TMPRSS15: variants seen among roughly 807,000 people sequenced by gnomAD.
TMPRSS15 encodes enteropeptidase.
A neutral mutation model predicts 125.3 loss-of-function variants in TMPRSS15; 128 were observed. The ratio of observed to expected loss-of-function variants is 1.02; its 90% CI spans 0.89 to 1.18. The LOEUF is 1.18. TMPRSS15 is among the 50% of genes most tolerant of loss of function. The probability of loss-of-function intolerance (pLI) is 0.00; values close to 1 mark genes in which losing one functional copy is unlikely to be tolerated. For synonymous variants in TMPRSS15, 446 were observed against 423.2 expected (o/e 1.05, Z -0.66); for missense variants, 1,283 against 1,212.7 (o/e 1.06, Z -0.86).
intron 14 of TMPRSS15, among the ~76,000 whole-genome samples, chr21:18,330,313 C>A (rs1031684964): frequency 3.9e-5 from 6 of 152,200 alleles, no homozygotes; most frequent in Non-Finnish European, 8.8e-5. Context: ...TCATCCCTTA[C>A]CATCGATCTC....
chr21:18,460,660 C>T (rs1978534926), intron 1 of TMPRSS15: 1 of 152,156 alleles, frequency 6.6e-6, no homozygotes. Context: ...AGTTCAAAGG[C>T]AAAGACTACC....
chr21:18,408,823 T>A (rs560548477), intron 1 of TMPRSS15, among the ~76,000 whole-genome samples: 1 of 152,262 alleles, frequency 6.6e-6, no homozygotes, highest in Admixed American at 6.5e-5. Flanking sequence ...TATTTTTGTT[T>A]ATTTTTTTGA....
chr21:18,466,597 A>G lies in TMPRSS15; in HGVS notation c.10+19202T>C, dbSNP rs184008164. On this transcript the variant is annotated intron_variant, in intron 1 of 7. Coordinates refer to the TMPRSS15 transcript ENST00000422787. Reference sequence around the variant, plus strand: ...AAAACAACCCCATCAAAAAGTGGGCAAAGGATATGAACAGACACTTCTCAA... The same window carrying G: ...AAAACAACCCCATCAAAAAGTGGGCGAAGGATATGAACAGACACTTCTCAA... Among the ~76,000 whole-genome samples the G allele has an allele frequency of 7.0e-3, 1,062 of 152,328 alleles. 12 individuals carry two copies. The highest frequency in any genetic ancestry group is 0.013 in the Admixed American group (198 of 15,294).
At chr21:18,453,233 C>T (rs1193156329) in intron 1 of TMPRSS15, among the ~76,000 whole-genome samples, 1 of 152,194 alleles carries the variant, frequency 6.6e-6, no homozygotes, top group Non-Finnish European at 1.5e-5. Flanking sequence ...ATCCAGGCAT[C>T]TGGATCTCTC....
chr21:18,282,751 A>G (rs1276339898), intron 21 of TMPRSS15, among the ~76,000 whole-genome samples: 3 of 152,174 alleles, frequency 2.0e-5, no homozygotes, highest in African/African-American at 7.2e-5. Context: ...TACAATGGGA[A>G]CAAACTAGGC....
chr21:18,278,613 T>A (rs2074649412), intron 23 of TMPRSS15, among the ~76,000 whole-genome samples: 1 of 510 alleles, frequency 2.0e-3, no homozygotes, highest in African/African-American at 0.042. Flanking sequence ...CCCAGCTACT[T>A]TGGGAGGCTG....
At chr21:18,358,778 G>T (rs1479609249) in intron 8 of TMPRSS15, among the ~76,000 whole-genome samples, 2 of 151,868 alleles carry the variant, frequency 1.3e-5, no homozygotes, top group Admixed American at 6.6e-5. Flanking sequence ...AATGCACATT[G>T]ATTATTCAGT....
At chr21:18,313,725 C>A (rs1157348631) in intron 17 of TMPRSS15, among the ~76,000 whole-genome samples, 1 of 151,374 alleles carries the variant, frequency 6.6e-6, no homozygotes, top group Non-Finnish European at 1.5e-5. Flanking sequence ...TTTTATGTAA[C>A]CATAAAAATG....
At chr21:18,285,791 A>G (rs1212359254) in intron 21 of TMPRSS15, among the ~76,000 whole-genome samples, 2 of 152,204 alleles carry the variant, frequency 1.3e-5, no homozygotes, top group African/African-American at 4.8e-5. Flanking sequence ...GTTGTTTATG[A>G]AAGGCCATGT....
chr21:18,371,982 T>G (rs1417686326), intron 6 of TMPRSS15, among the ~76,000 whole-genome samples: 6 of 151,942 alleles, frequency 3.9e-5, no homozygotes, highest in Non-Finnish European at 7.4e-5. Flanking sequence ...ATCTTTAATA[T>G]TATTTATAAA....
At chr21:18,372,994 T>C (rs936396835) in intron 5 of TMPRSS15, among the ~76,000 whole-genome samples, 2 of 152,224 alleles carry the variant, frequency 1.3e-5, no homozygotes, top group African/African-American at 4.8e-5. Context: ...ATAAAGACTT[T>C]TAAAAAAAAT....
At chr21:18,300,838 G>C (rs898437365) in intron 18 of TMPRSS15, among the ~76,000 whole-genome samples, 1 of 151,938 alleles carries the variant, frequency 6.6e-6, no homozygotes, top group Non-Finnish European at 1.5e-5. Flanking sequence ...AAGATGACTA[G>C]AGCCAAATTT....
chr21:18,447,573 T>A (rs1045840233), intron 1 of TMPRSS15, among the ~76,000 whole-genome samples: 2 of 151,866 alleles, frequency 1.3e-5, no homozygotes, highest in Non-Finnish European at 2.9e-5. Context: ...AATCCCCACA[T>A]GTTTGGGAGG....
At chr21:18,418,415 A>T (rs1193115414) in intron 1 of TMPRSS15, among the ~76,000 whole-genome samples, 1 of 152,200 alleles carries the variant, frequency 6.6e-6, no homozygotes, top group African/African-American at 2.4e-5. Context: ...TTTTACAGCC[A>T]CATACGTAGA....
In TMPRSS15 at chr21:18,388,355, T is replaced by C. The variant is rs77266693; in HGVS notation, c.345-4577A>G. Among the ~76,000 whole-genome samples the C allele has an allele frequency of 8.7e-4, 132 of 152,306 alleles. 2 individuals are homozygous for C. In the East Asian group the frequency reaches 0.02, roughly 23 times the overall value. On this transcript the variant is annotated intron_variant, in intron 3 of 24. Transcript: ENST00000284885. ...TACAGTTTCATATGTGGTGATTTTG[T>C]CATCTAGAGAAATAAAAGATTACTT...
intron 1 of TMPRSS15, among the ~76,000 whole-genome samples, chr21:18,469,834 G>A (rs547290160): frequency 2.0e-5 from 3 of 152,092 alleles, no homozygotes; most frequent in African/African-American, 7.2e-5. Flanking sequence ...AAATAGTCTT[G>A]TGTCTTTATT....
In TMPRSS15 at chr21:18,294,460, G is replaced by T. The variant is rs756618135; in HGVS notation, c.2312-16C>A. The T allele has an allele frequency of 6.2e-7, 1 of 1,614,106 alleles. No individual in the cohort carries two copies. Among genetic ancestry groups the T allele is most frequent in the South Asian group, 1.1e-5 (1 of 91,082 alleles). ...TTTCCACAAGCTATTAAAATAATTG[G>T]AGAAAGAGCATCTATTTCATTTTTG... is the stretch of plus-strand genomic sequence containing the variant. On this transcript the variant is annotated splice_polypyrimidine_tract_variant and intron_variant, in intron 20 of 24. Coordinates refer to ENST00000284885, the MANE Select transcript of TMPRSS15 (RefSeq NM_002772.3).
Position 18,352,977 on chromosome 21 carries a change from C to T in TMPRSS15, c.1097G>A (p.Trp366Ter). ...WVQDLNDDNE[W>*]ERIQGSTFSP... ...AAAGGTGCTTCCCTGAATCCTTTCCCATTCATTATCATCATTTAGATCCTG... is the reference window on the plus strand; with the variant it reads ...AAAGGTGCTTCCCTGAATCCTTTCCTATTCATTATCATCATTTAGATCCTG... The change falls in exon 10 of 25, where the codon TGG becomes TAG. Residue 366 changes from tryptophan to a stop codon, truncating the protein, a stop_gained. Transcript: ENST00000284885. LOFTEE classifies it high-confidence loss of function. 6.2e-7 allele frequency: 1 copy of T among 1,611,886 alleles called. No homozygotes were observed. Among genetic ancestry groups the T allele is most frequent in the African/African-American group, 1.3e-5 (1 of 74,836 alleles).
intron 1 of TMPRSS15, among the ~76,000 whole-genome samples, chr21:18,457,971 A>G (rs1978474503): frequency 6.6e-6 from 1 of 152,142 alleles, no homozygotes; most frequent in African/African-American, 2.4e-5. Flanking sequence ...CCGTTGTTAT[A>G]CCCTTTAGTA....
Sources: gnomAD v4.1 joint callset for allele counts (sites outside exome capture counted in the v4.1 genomes callset) on GRCh38, gnomAD v4.1.1 for gene constraint, MANE v1.5 for transcripts, NCBI Gene and HGNC (gene_info 2026-07-23, HGNC 2026-07-21) for gene names.